The following TNRC6C variants were observed in gnomAD, a reference collection of about 807,000 sequenced individuals.
The protein encoded by TNRC6C is trinucleotide repeat containing adaptor 6C.
A neutral mutation model predicts 153.7 loss-of-function variants in TNRC6C; 20 were observed. The ratio of observed to expected loss-of-function variants is 0.13; its 90% CI spans 0.09 to 0.19. The LOEUF (loss-of-function observed/expected upper bound fraction) is 0.19. Ranked by LOEUF, TNRC6C falls within the 10% of genes least tolerant of loss-of-function variation. The pLI is 1.00. For missense variants in TNRC6C, 1,987 were observed against 2,172.0 expected (o/e 0.91, Z 1.69); for synonymous variants, 811 against 841.4 (o/e 0.96, Z 0.63).
chr17:77,999,741 T>C (rs1166140302), upstream of TNRC6C, among the ~76,000 whole-genome samples: 1 of 152,206 alleles, frequency 6.6e-6, no homozygotes, highest in Non-Finnish European at 1.5e-5. Context: ...GAGGCTCTGC[T>C]GGGTAGCGAT....
At position 78,051,656 on chromosome 17, in the gene TNRC6C, A is replaced by G. The variant is rs189719858; in HGVS notation, c.2395+199A>G. On this transcript the variant is annotated intron_variant, in intron 3 of 19. Coordinates refer to ENST00000301624, the Ensembl canonical transcript of TNRC6C. ...CCTCTGGTGGTTTTCTATTCAAGAA[A>G]AAAATATATTAAGCACACTCAGTAG... 7.9e-4 allele frequency among the ~76,000 whole-genome samples: 121 copies of G among 152,278 alleles called. 1 individual carries two copies. Among genetic ancestry groups the G allele is most frequent in the African/African-American group, 2.8e-3 (115 of 41,548 alleles).
At chr17:77,996,185 C>T (rs765084683) in intron 1 of TNRC6C, among the ~76,000 whole-genome samples, 1 of 152,080 alleles carries the variant, frequency 6.6e-6, no homozygotes, top group Non-Finnish European at 1.5e-5. Context: ...TAAGACAAAT[C>T]GTAATCAAAT....
At chr17:78,096,711 G>A (rs967919516) in intron 16 of TNRC6C, among the ~76,000 whole-genome samples, 3 of 152,232 alleles carry the variant, frequency 2.0e-5, no homozygotes, top group Admixed American at 6.5e-5. Context: ...GCCAGGATAC[G>A]TGCACTGGCA....
chr17:78,087,482 CA>C (rs5822227), intron 13 of TNRC6C, among the ~76,000 whole-genome samples: 33,394 of 151,628 alleles, frequency 0.22, 4,262 homozygotes, highest in East Asian at 0.37. Context: ...TTGCCGCTGC[CA>C]ATAATACTCT....
At chr17:78,067,534 G>A (rs1468052521) in intron 4 of TNRC6C, among the ~76,000 whole-genome samples, 1 of 152,146 alleles carries the variant, frequency 6.6e-6, no homozygotes, top group Non-Finnish European at 1.5e-5. Context: ...ACAGCACAGA[G>A]TACAAATAGC....
At chr17:77,993,427 T>G (rs2071282343) in intron 1 of TNRC6C, among the ~76,000 whole-genome samples, 1 of 152,186 alleles carries the variant, frequency 6.6e-6, no homozygotes, top group East Asian at 1.9e-4. Context: ...AATTTTAGTT[T>G]TTGATGTAAG....
At chr17:77,960,411 G>T (rs894641019) in intron 1 of TNRC6C, among the ~76,000 whole-genome samples, 3 of 152,178 alleles carry the variant, frequency 2.0e-5, no homozygotes, top group Admixed American at 6.5e-5. Context: ...TATGGTGATC[G>T]CTGTGAGAGC....
At chr17:77,974,881 G>A (rs1478985027) in intron 1 of TNRC6C, among the ~76,000 whole-genome samples, 1 of 152,164 alleles carries the variant, frequency 6.6e-6, no homozygotes, top group Admixed American at 6.5e-5. Flanking sequence ...GGTAGTCCTG[G>A]GTTCAAACCC....
At chr17:78,086,478 T>G in intron 11 of TNRC6C, 25 bp from the exon 14 acceptor site, 2 of 1,605,598 alleles carry the variant, frequency 1.2e-6, no homozygotes, top group Non-Finnish European at 1.7e-6. Context: ...TATCATACTA[T>G]TTTAACTCTT....
chr17:78,001,267 G>A (rs891941666), upstream of TNRC6C, among the ~76,000 whole-genome samples: 2 of 152,196 alleles, frequency 1.3e-5, no homozygotes, highest in Admixed American at 6.5e-5. Flanking sequence ...ACCATATGAG[G>A]TATAGGTAAT....
chr17:78,087,170 C>T, intron 13 of TNRC6C, 77 bp downstream of exon 15: 1 of 1,553,760 alleles, frequency 6.4e-7, no homozygotes, highest in South Asian at 1.2e-5. Flanking sequence ...GCCAGGGCAG[C>T]ATTTCAGTGG....
intron 1 of TNRC6C, among the ~76,000 whole-genome samples, chr17:77,994,435 A>T (rs1249631961): frequency 6.6e-6 from 1 of 152,092 alleles, no homozygotes. Flanking sequence ...CCAAATTAAA[A>T]TCCACCTTTG....
At chr17:78,071,563 T>C (rs2144295368) in intron 6 of TNRC6C, among the ~76,000 whole-genome samples, 1 of 152,262 alleles carries the variant, frequency 6.6e-6, no homozygotes, top group Non-Finnish European at 1.5e-5. Flanking sequence ...AATTTTTGTA[T>C]TTTTGGTAGA....
At chr17:77,970,172 T>G (rs1025568240) in intron 1 of TNRC6C, among the ~76,000 whole-genome samples, 1 of 152,240 alleles carries the variant, frequency 6.6e-6, no homozygotes, top group Non-Finnish European at 1.5e-5. Context: ...AGACACCTGG[T>G]TTGGGCTAAG....
upstream of TNRC6C, among the ~76,000 whole-genome samples, chr17:77,958,413 G>T (rs139070071): frequency 4.6e-5 from 7 of 151,964 alleles, no homozygotes; most frequent in Non-Finnish European, 1.0e-4. Context: ...AGCGCGCACC[G>T]CTCGCACCCC....
rs1325374533 is a variant in TNRC6C at position 78,048,833 on chromosome 17, C to T, written c.-218-12C>T. 8 of 1,233,040 alleles carry T rather than the reference C, an allele frequency of 6.5e-6. No individual in the cohort carries two copies. The highest frequency in any genetic ancestry group is 8.1e-6 in the Non-Finnish European group (8 of 988,746). 76.4% of individuals were successfully genotyped at this position (1,233,040 alleles called of 1,614,324 possible). On this transcript the variant is annotated splice_polypyrimidine_tract_variant and intron_variant, in intron 2 of 19. Transcript: ENST00000301624. ...GAAAATCTAATTTTGAATTTTGTTT[C>T]ATCTTTTTCAGATCTCAGTCATAGT... is the stretch of plus-strand genomic sequence containing the variant.
chr17:77,962,296 A>G (rs2070868111), intron 1 of TNRC6C, among the ~76,000 whole-genome samples: 1 of 152,214 alleles, frequency 6.6e-6, no homozygotes. Context: ...CTTCCCCAAT[A>G]GGAATTGGAG....
At chr17:78,016,205 T>C (rs1487268063) in intron 1 of TNRC6C, among the ~76,000 whole-genome samples, 1 of 152,084 alleles carries the variant, frequency 6.6e-6, no homozygotes. Context: ...AGACCAGGGG[T>C]CAGGAAGCGG....
chr17:78,001,502 TATG>T (rs2071411322), upstream of TNRC6C, among the ~76,000 whole-genome samples: 1 of 152,156 alleles, frequency 6.6e-6, no homozygotes, highest in Non-Finnish European at 1.5e-5. Context: ...GACTGAATAA[TATG>T]ATAACATTCA....
Sources: gnomAD v4.1 joint callset for allele counts (sites outside exome capture counted in the v4.1 genomes callset) on GRCh38, gnomAD v4.1.1 for gene constraint, MANE v1.5 for transcripts, NCBI Gene and HGNC (gene_info 2026-07-23, HGNC 2026-07-21) for gene names.